Variants in RORA observed in about 807,000 individuals in gnomAD.
RORA encodes nuclear receptor ROR-alpha.
RORA carries 7 observed loss-of-function variants against 69.5 expected under a neutral mutation model. The observed-to-expected ratio is 0.10, with a 90% confidence interval of 0.06 to 0.19. RORA has a LOEUF of 0.19. Among genes scored for constraint, RORA ranks in the 10% least tolerant of loss-of-function variants. RORA has a pLI of 1.00. For synonymous variants in RORA, 261 were observed against 240.8 expected, an observed-to-expected ratio of 1.08 and a Z score of -0.78; for missense variants, 457 against 663.0, an observed-to-expected ratio of 0.69 and a Z score of 3.41.
rs73428865 is a variant in RORA, at chr15:61,071,715, C to T, written c.166+157338G>A. Among the ~76,000 whole-genome samples the T allele has an allele frequency of 2.7e-3, 398 of 147,652 alleles. 4 individuals carry two copies. Among genetic ancestry groups the T allele is most frequent in the African/African-American group, 9.3e-3 (370 of 39,830 alleles). On this transcript the variant is annotated intron_variant, in intron 1 of 10. Transcript: ENST00000335670. ...AGGGGAAGAGAGGACCCACAATTCACTGAGCCATACAAAGGAACAGGCTTA... is the reference window on the plus strand; with the variant it reads ...AGGGGAAGAGAGGACCCACAATTCATTGAGCCATACAAAGGAACAGGCTTA...
intron 2 of RORA, among the ~76,000 whole-genome samples, chr15:60,611,234 C>G (rs563050739): frequency 6.6e-6 from 1 of 152,148 alleles, no homozygotes; most frequent in South Asian, 2.1e-4. Flanking sequence ...TCTCTCAGAC[C>G]TCAGAAGATC....
intron 2 of RORA, chr15:60,592,446 G>C: frequency 7.1e-7 from 1 of 1,415,884 alleles, no homozygotes; most frequent in Non-Finnish European, 9.3e-7. Context: ...AGCGCAGGGA[G>C]AGCGGATGGT....
At chr15:60,997,727 A>T (rs1469045757) in intron 1 of RORA, among the ~76,000 whole-genome samples, 1 of 152,134 alleles carries the variant, frequency 6.6e-6, no homozygotes, top group Non-Finnish European at 1.5e-5. Context: ...CCATCTCTAC[A>T]ATAGAAGATT....
At chr15:60,883,341 G>GT (rs1289940868) in intron 1 of RORA, among the ~76,000 whole-genome samples, 4 of 152,054 alleles carry the variant, frequency 2.6e-5, no homozygotes, top group African/African-American at 9.7e-5. Flanking sequence ...TGGATTCAGA[G>GT]TATTAAATAT....
chr15:60,635,891 A>G (rs570631407), intron 2 of RORA, among the ~76,000 whole-genome samples: 1 of 151,784 alleles, frequency 6.6e-6, no homozygotes, highest in African/African-American at 2.4e-5. Flanking sequence ...GCCCAAATCA[A>G]CTCCAAATTT....
intron 2 of RORA, among the ~76,000 whole-genome samples, chr15:60,557,312 G>A (rs1455883677): frequency 2.0e-5 from 3 of 152,124 alleles, no homozygotes; most frequent in Non-Finnish European, 2.9e-5. Context: ...TATGGTTATC[G>A]GAGAACTAGA....
chr15:61,137,465 C>G (rs1479593418), intron 1 of RORA, among the ~76,000 whole-genome samples: 2 of 152,192 alleles, frequency 1.3e-5, no homozygotes, highest in African/African-American at 4.8e-5. Flanking sequence ...TAGTATAATG[C>G]ACACACTTAT....
intron 5 of RORA, chr15:60,510,532 TG>T (rs2065661080): frequency 6.6e-6 from 1 of 152,250 alleles, no homozygotes; most frequent in South Asian, 2.1e-4. Context: ...CAGAACATTT[TG>T]GTAAGTAAAG....
At chr15:60,878,727 G>T (rs1223008160) in intron 1 of RORA, among the ~76,000 whole-genome samples, 3 of 152,174 alleles carry the variant, frequency 2.0e-5, no homozygotes, top group African/African-American at 7.2e-5. Context: ...GCTATTGGAA[G>T]CAATACTCCT....
chr15:61,078,138 G>A (rs991952953), intron 1 of RORA, among the ~76,000 whole-genome samples: 4 of 152,142 alleles, frequency 2.6e-5, no homozygotes, highest in Admixed American at 2.0e-4. Flanking sequence ...TATGTGCCAA[G>A]TCCACACTAA....
chr15:60,837,088 T>G (rs1595755184), intron 1 of RORA, among the ~76,000 whole-genome samples: 2 of 151,040 alleles, frequency 1.3e-5, no homozygotes, highest in African/African-American at 4.9e-5. Context: ...CCCAGGCTGA[T>G]CTCAAACTCC....
At position 61,115,152 on chromosome 15, in the gene RORA, G is replaced by A. The variant is rs114978739; in HGVS notation, c.166+113901C>T. Among the ~76,000 whole-genome samples, 1,437 of 152,220 alleles carry A rather than the reference G, an allele frequency of 9.4e-3. 26 individuals are homozygous for A. Among genetic ancestry groups the A allele is most frequent in the African/African-American group, 0.033 (1,381 of 41,506 alleles). On this transcript the variant is annotated intron_variant, in intron 1 of 10. Coordinates refer to ENST00000335670, the MANE Select transcript of RORA (RefSeq NM_134261.3). ...CCCACGGGTTTAGAGTCTTGGGTCT[G>A]GTCCAGTGAAGACACTGCTCTCTTT... is the stretch of plus-strand genomic sequence containing the variant.
chr15:60,726,401 G>A (rs957181416), intron 1 of RORA, among the ~76,000 whole-genome samples: 3 of 152,220 alleles, frequency 2.0e-5, no homozygotes, highest in African/African-American at 4.8e-5. Context: ...ATGGTCCTAA[G>A]CAGGTCAGTA....
chr15:60,693,276 A>C (rs2070855449), intron 1 of RORA, among the ~76,000 whole-genome samples: 1 of 152,220 alleles, frequency 6.6e-6, no homozygotes. Context: ...CTCTCAATTA[A>C]CTAGGTGTTC....
At chr15:60,772,957 G>C (rs965819323) in intron 1 of RORA, among the ~76,000 whole-genome samples, 1 of 152,214 alleles carries the variant, frequency 6.6e-6, no homozygotes, top group Non-Finnish European at 1.5e-5. Context: ...GATTAATCCC[G>C]CCAGGGAGTT....
intron 2 of RORA, among the ~76,000 whole-genome samples, chr15:60,611,559 C>CAAAAAAAAA (rs533598270): frequency 0.036 from 1,278 of 35,822 alleles, 493 homozygotes; most frequent in East Asian, 0.069. Flanking sequence ...TTGAGTTTTG[C>CAAAAAAAAA]AAAAAAAAAA....
chr15:61,100,408 C>T (rs780522634), intron 1 of RORA, among the ~76,000 whole-genome samples: 3 of 152,172 alleles, frequency 2.0e-5, no homozygotes, highest in South Asian at 2.1e-4. Flanking sequence ...GCATGACCAG[C>T]GGTGCCCGGC....
At chr15:60,885,668 G>C (rs2073742597) in intron 1 of RORA, among the ~76,000 whole-genome samples, 1 of 152,204 alleles carries the variant, frequency 6.6e-6, no homozygotes, top group South Asian at 2.1e-4. Context: ...TTGATCGACA[G>C]AACACAACTT....
chr15:60,513,462 C>T (rs1187376383), intron 4 of RORA, among the ~76,000 whole-genome samples: 2 of 152,140 alleles, frequency 1.3e-5, no homozygotes, highest in South Asian at 2.1e-4. Flanking sequence ...TTAATATTAA[C>T]GACAGTAATT....
Sources: allele counts gnomAD v4.1 joint callset (sites outside exome capture counted in the v4.1 genomes callset), GRCh38; gene constraint gnomAD v4.1.1; transcripts MANE v1.5; gene names NCBI Gene and HGNC (gene_info 2026-07-23, HGNC 2026-07-21).